The following SCUBE2 variants were observed in gnomAD, a reference collection of about 807,000 sequenced individuals.
SCUBE2 encodes signal peptide, CUB and EGF-like domain-containing protein 2.
A neutral mutation model predicts 125.9 loss-of-function variants in SCUBE2; 114 were observed. That is an observed-to-expected ratio of 0.91 (90% CI 0.78 to 1.06). The LOEUF (loss-of-function observed/expected upper bound fraction) is 1.06. Among genes scored for constraint, SCUBE2 ranks in the 50% least tolerant of loss-of-function variants. SCUBE2 has a pLI of 0.00. For missense variants in SCUBE2, 1,255 were observed against 1,301.8 expected (o/e 0.96, Z 0.55); for synonymous variants, 459 against 492.9 (o/e 0.93, Z 0.91).
Position 9,045,649 on chromosome 11 carries a change from A to ATG in SCUBE2, c.2002+1706_2002+1707insCA, listed in dbSNP as rs1857654832. 2.0e-5 allele frequency among the ~76,000 whole-genome samples: 3 copies of ATG among 146,990 alleles called. No homozygotes were observed. In the South Asian group the frequency reaches 6.6e-4, roughly 32 times the overall value. On this transcript the variant is annotated intron_variant, in intron 16 of 22. Transcript: ENST00000649792. ...CACACACACACACACACACACACAC[A>ATG]CACACAGCCTTGTCTATGCCACATG...
chr11:9,060,444 C>T lies in SCUBE2; in HGVS notation c.931G>A (p.Gly311Arg). ...TTCCCATCCAACTGGAGAGTGAATCCAACAGGACAACTGCAGTGGACACCT... is the reference window on the plus strand; with the variant it reads ...TTCCCATCCAACTGGAGAGTGAATCTAACAGGACAACTGCAGTGGACACCT... Reference protein sequence around the residue: ...STGVHCSCPVGFTLQLDGKTC... With the variant: ...STGVHCSCPVRFTLQLDGKTC... The change falls in exon 8 of 23, where the codon GGA becomes AGA. Residue 311 changes from glycine (G) to arginine (R), a missense_variant. Transcript: ENST00000649792. The T allele has an allele frequency of 6.2e-7, 1 of 1,614,084 alleles. No homozygotes were observed. Among genetic ancestry groups the T allele is most frequent in the Non-Finnish European group, 8.5e-7 (1 of 1,179,966 alleles).
chr11:9,060,627 T>C (rs1166302298), intron 7 of SCUBE2, 103 bp from the exon 8 acceptor site: 3 of 897,772 alleles, frequency 3.3e-6, no homozygotes, highest in Non-Finnish European at 5.4e-6. Context: ...CTCATGGTCA[T>C]ACCCCAAGTC....
Position 9,027,179 on chromosome 11 carries a change from C to G in SCUBE2, c.2701+185G>C, listed in dbSNP as rs1855840522. 3 of 618,746 alleles carry G rather than the reference C, an allele frequency of 4.8e-6. No homozygotes were observed. The East Asian group carries it at 8.4e-5, about 17-fold the overall frequency. The allele number at this position is 618,746 out of a possible 1,614,324, so 38.3% of individuals were successfully genotyped here. ...CAGGATCACTACCTCTGGGGCCCAG[C>G]AAGACGCTTCAGTGTGTGGCTTTCA... On this transcript the variant is annotated intron_variant, in intron 20 of 22. Transcript: ENST00000649792.
chr11:9,045,535 G>A (rs2135365901), intron 16 of SCUBE2, among the ~76,000 whole-genome samples: 1 of 151,258 alleles, frequency 6.6e-6, no homozygotes, highest in East Asian at 1.9e-4. Flanking sequence ...CCAGAGCTCA[G>A]AAAACATCAG....
intron 7 of SCUBE2, among the ~76,000 whole-genome samples, chr11:9,061,921 C>A (rs1411591398): frequency 6.6e-6 from 1 of 152,130 alleles, no homozygotes; most frequent in African/African-American, 2.4e-5. Context: ...ATTCTAGAGG[C>A]AGAAATGAGG....
At chr11:9,027,126 A>G in intron 20 of SCUBE2, 1 of 534,854 alleles carries the variant, frequency 1.9e-6, no homozygotes, top group East Asian at 3.3e-5. Flanking sequence ...AAAACGCCCC[A>G]GTGAGCACAG....
intron 18 of SCUBE2, chr11:9,030,332 C>A: frequency 2.1e-6 from 1 of 478,168 alleles, no homozygotes; most frequent in Non-Finnish European, 3.8e-6. Context: ...TCATGCAGAG[C>A]ACGTCTGTGA....
chr11:9,072,023 AT>A (rs1422077830), intron 4 of SCUBE2, among the ~76,000 whole-genome samples: 3 of 152,328 alleles, frequency 2.0e-5, no homozygotes, highest in East Asian at 1.9e-4. Flanking sequence ...ATAAAAAAAA[AT>A]AAAATAAAAA....
At chr11:9,026,492 G>C (rs995839105) in intron 20 of SCUBE2, 1 of 153,644 alleles carries the variant, frequency 6.5e-6, no homozygotes, top group Non-Finnish European at 1.4e-5. Flanking sequence ...CTACCAGGCT[G>C]GAGTGCAGTG....
At chr11:9,029,597 A>C (rs186439270) in intron 19 of SCUBE2, among the ~76,000 whole-genome samples, 1 of 152,378 alleles carries the variant, frequency 6.6e-6, no homozygotes, top group Non-Finnish European at 1.5e-5. Context: ...CAAGCAATGC[A>C]TGCTGATCAA....
chr11:9,090,521 TG>T (rs1305462297), intron 1 of SCUBE2: 1 of 151,188 alleles, frequency 6.6e-6, no homozygotes, highest in African/African-American at 2.4e-5. Context: ...CTGTCGTTTG[TG>T]TTGGTATATT....
At chr11:9,076,834 C>T (rs1861248501) in intron 3 of SCUBE2, among the ~76,000 whole-genome samples, 1 of 152,144 alleles carries the variant, frequency 6.6e-6, no homozygotes, top group Non-Finnish European at 1.5e-5. Context: ...AACAAACTTG[C>T]CCTTGTCTAT....
At position 9,089,776 on chromosome 11, in the gene SCUBE2, G is replaced by C; in HGVS notation, c.187C>G (p.Gln63Glu). ...CACTTGTAGGAGGTGGGTGTGTTCT[G>C]ACACAGGGCGTCGGCATGGCAGTCA... ...LDDCHADALC[Q>E]NTPTSYKCSC... The change falls in exon 2 of 23, where the codon CAG becomes GAG. Residue 63 changes from glutamine (Q) to glutamate (E), a missense_variant. By Grantham distance (29) the Gln-to-Glu change is conservative. Coordinates refer to ENST00000649792, the MANE Select transcript of SCUBE2 (RefSeq NM_001367977.2). 6.2e-7 allele frequency: 1 copy of C among 1,614,010 alleles called. No individual in the cohort carries two copies. The highest frequency in any genetic ancestry group is 8.5e-7 in the Non-Finnish European group (1 of 1,179,950).
intron 3 of SCUBE2, among the ~76,000 whole-genome samples, chr11:9,075,964 T>C (rs1470081287): frequency 6.6e-6 from 1 of 152,172 alleles, no homozygotes; most frequent in Non-Finnish European, 1.5e-5. Flanking sequence ...AATGGAGATA[T>C]GGTTGCCCCT....
intron 21 of SCUBE2, among the ~76,000 whole-genome samples, chr11:9,024,696 T>C (rs1855575373): frequency 6.6e-6 from 1 of 152,124 alleles, no homozygotes; most frequent in Non-Finnish European, 1.5e-5. Context: ...TCCTTTGACT[T>C]ATGTCCTTCC....
At position 9,033,895 on chromosome 11, in the gene SCUBE2, A is replaced by G. The variant is rs866373740; in HGVS notation, c.2003-99T>C. The G allele has an allele frequency of 2.5e-6, 3 of 1,194,494 alleles. No individual in the cohort carries two copies. In the Middle Eastern group the frequency reaches 6.2e-4, roughly 245 times the overall value. 74.0% of individuals were successfully genotyped at this position (1,194,494 alleles called of 1,614,324 possible). On this transcript the variant is annotated intron_variant, in intron 16 of 22. Transcript: ENST00000649792. Reference sequence around the variant, plus strand: ...AAGGCAAATAGATGGCACTGACCACACCACCCACGGCATGCAAACTCCCTG... The same window carrying G: ...AAGGCAAATAGATGGCACTGACCACGCCACCCACGGCATGCAAACTCCCTG...
At chr11:9,087,545 G>C (rs541560624) in intron 2 of SCUBE2, among the ~76,000 whole-genome samples, 150 of 152,166 alleles carry the variant, frequency 9.9e-4, no homozygotes, top group African/African-American at 3.5e-3. Flanking sequence ...GAAAGAGAGA[G>C]AGAGCGTGAG....
intron 14 of SCUBE2, among the ~76,000 whole-genome samples, chr11:9,049,405 G>A (rs866477810): frequency 6.6e-5 from 10 of 151,892 alleles, no homozygotes; most frequent in Non-Finnish European, 8.8e-5. Flanking sequence ...CACTAGGCCC[G>A]GCTAATTTTT....
rs1024637403 is a variant in SCUBE2 at position 9,079,408 on chromosome 11, C to A, written c.358G>T (p.Ala120Ser). 1 of 1,614,022 alleles carries A rather than the reference C, an allele frequency of 6.2e-7. No individual in the cohort carries two copies. Residue 120 changes from alanine to serine, a missense_variant, in exon 3 of 23, where the codon GCT becomes TCT. Coordinates refer to ENST00000649792, the MANE Select transcript of SCUBE2 (RefSeq NM_001367977.2). ...CCAAGACAATTATGACCGTCATGAG[C>A]CAACATGAAGCCATCAAAACAAGTG... ...RCTCFDGFML[A>S]HDGHNCLDVD...
Sources: allele counts gnomAD v4.1 joint callset (sites outside exome capture counted in the v4.1 genomes callset), GRCh38; gene constraint gnomAD v4.1.1; transcripts MANE v1.5; gene names NCBI Gene and HGNC (gene_info 2026-07-23, HGNC 2026-07-21).